Variants in RUNDC3B observed in about 807,000 individuals in gnomAD.
RUNDC3B encodes RUN domain-containing protein 3B.
A neutral mutation model predicts 58.4 loss-of-function variants in RUNDC3B; 33 were observed. The ratio of observed to expected loss-of-function variants is 0.56; its 90% CI spans 0.43 to 0.75. RUNDC3B has a LOEUF of 0.75. RUNDC3B is among the 30% of genes least tolerant of loss of function. RUNDC3B has a pLI of 0.00. For missense variants in RUNDC3B, 501 were observed against 535.7 expected (o/e 0.94, Z 0.64); for synonymous variants, 193 against 195.2 (o/e 0.99, Z 0.10).
rs572827929 is a variant in RUNDC3B at position 87,680,933 on chromosome 7, A to G, written c.239-19488A>G. On this transcript the variant is annotated intron_variant, in intron 2 of 10. Transcript: ENST00000394654. ...AAAAACAAAAACAATAATTGGTGAT[A>G]TGAAAGGATGATTGCTTGAAATCAT... Among the ~76,000 whole-genome samples, 5 of 150,940 alleles carry G rather than the reference A, an allele frequency of 3.3e-5. 1 individual carries two copies. Among genetic ancestry groups the G allele is most frequent in the South Asian group, 4.2e-4 (2 of 4,786 alleles).
intron 4 of RUNDC3B, among the ~76,000 whole-genome samples, chr7:87,735,158 A>G (rs1370534179): frequency 6.6e-6 from 1 of 152,172 alleles, no homozygotes; most frequent in Non-Finnish European, 1.5e-5. Flanking sequence ...ATCACTGCCC[A>G]CCTACATAGT....
intron 8 of RUNDC3B, among the ~76,000 whole-genome samples, chr7:87,799,658 G>A (rs558759175): frequency 2.7e-4 from 41 of 152,154 alleles, no homozygotes; most frequent in Middle Eastern, 3.4e-3. Context: ...GGAGGCTGAG[G>A]TGGGTGGATC....
chr7:87,719,245 A>G (rs1229498392), intron 4 of RUNDC3B, among the ~76,000 whole-genome samples: 1 of 151,952 alleles, frequency 6.6e-6, no homozygotes, highest in Non-Finnish European at 1.5e-5. Context: ...AATTAAAATT[A>G]TTAAAATGGG....
chr7:87,709,642 T>C, intron 3 of RUNDC3B: 1 of 377,636 alleles, frequency 2.6e-6, no homozygotes, highest in Non-Finnish European at 3.6e-6. Flanking sequence ...TCCCATAGTT[T>C]GGTGAATTCA....
At chr7:87,696,882 C>G (rs938783128) in intron 2 of RUNDC3B, among the ~76,000 whole-genome samples, 3 of 152,090 alleles carry the variant, frequency 2.0e-5, no homozygotes, top group African/African-American at 7.2e-5. Context: ...TGTGCCCTAC[C>G]TATAGCAGGA....
intron 2 of RUNDC3B, among the ~76,000 whole-genome samples, chr7:87,682,386 C>A (rs1827011486): frequency 6.6e-6 from 1 of 152,150 alleles, no homozygotes; most frequent in Non-Finnish European, 1.5e-5. Context: ...AGAAGATTTT[C>A]AATTTACTTT....
At position 87,741,527 on chromosome 7, in the gene RUNDC3B, G is replaced by A. The variant is rs758660429; in HGVS notation, c.577G>A (p.Gly193Ser). 3.3e-5 allele frequency: 52 copies of A among 1,585,640 alleles called. No individual in the cohort carries two copies. Among genetic ancestry groups the A allele is most frequent in the Non-Finnish European group, 4.5e-5 (52 of 1,159,702 alleles). ...SFCLKGEGLD[G>S]SFPAVIDYTP... ...CTGCCTAAAGGGAGAGGGGCTGGAT[G>A]GCAGTTTTCCTGCTGTAATAGACTA... Residue 193 changes from glycine (G) to serine (S), a missense_variant, in exon 6 of 11, where the codon GGC becomes AGC. By Grantham distance (56) the Gly-to-Ser change is moderately conservative. Transcript: ENST00000394654.
intron 3 of RUNDC3B, among the ~76,000 whole-genome samples, chr7:87,701,156 T>C (rs926168973): frequency 2.0e-5 from 3 of 152,212 alleles, no homozygotes; most frequent in Non-Finnish European, 2.9e-5. Flanking sequence ...GTACAATTCT[T>C]TGAATTGTGA....
intron 2 of RUNDC3B, among the ~76,000 whole-genome samples, chr7:87,652,786 T>C (rs954726940): frequency 6.6e-6 from 1 of 151,876 alleles, no homozygotes; most frequent in Admixed American, 6.6e-5. Context: ...GAAGTCATGA[T>C]TATTTTGATA....
At chr7:87,630,800 C>T (rs1469899240) in intron 1 of RUNDC3B, among the ~76,000 whole-genome samples, 4 of 149,846 alleles carry the variant, frequency 2.7e-5, no homozygotes, top group Non-Finnish European at 4.4e-5. Context: ...CCATTTTTGT[C>T]TTGGCTGGCT....
intron 1 of RUNDC3B, among the ~76,000 whole-genome samples, chr7:87,640,419 T>C (rs566496656): frequency 6.6e-6 from 1 of 152,164 alleles, no homozygotes; most frequent in Admixed American, 6.5e-5. Flanking sequence ...AGTGCGATCA[T>C]AGCTCACTGC....
chr7:87,752,934 C>T (rs575681592), intron 6 of RUNDC3B, among the ~76,000 whole-genome samples: 6 of 151,148 alleles, frequency 4.0e-5, no homozygotes, highest in Non-Finnish European at 7.4e-5. Context: ...AATGTGTTTG[C>T]TCTTGCTTTT....
rs529381896 is a variant in RUNDC3B, at chr7:87,733,786, C to T, written c.459-6005C>T. Among the ~76,000 whole-genome samples the T allele has an allele frequency of 1.3e-5, 2 of 152,268 alleles. 1 individual carries two copies. Among genetic ancestry groups the T allele is most frequent in the African/African-American group, 4.8e-5 (2 of 41,568 alleles). ...GAATCTAATGCCTGAGTGAAGGAGT[C>T]GGAGCTTAGGTGATAATGTTCACTG... On this transcript the variant is annotated intron_variant, in intron 4 of 10. Transcript: ENST00000394654.
intron 2 of RUNDC3B, among the ~76,000 whole-genome samples, chr7:87,688,179 C>T (rs1827659203): frequency 6.6e-6 from 1 of 152,040 alleles, no homozygotes. Context: ...TATTGTATCT[C>T]AGAAAATCAT....
At chr7:87,634,457 A>G (rs1184928114) in intron 1 of RUNDC3B, among the ~76,000 whole-genome samples, 1 of 135,686 alleles carries the variant, frequency 7.4e-6, no homozygotes, top group Non-Finnish European at 1.6e-5. Context: ...CCCCGTCTCT[A>G]CTAAAAATAC....
intron 6 of RUNDC3B, among the ~76,000 whole-genome samples, chr7:87,766,568 C>T (rs1416293867): frequency 6.6e-6 from 1 of 151,894 alleles, no homozygotes; most frequent in Non-Finnish European, 1.5e-5. Context: ...TGAAAAAAGA[C>T]CCCCAGTCTC....
chr7:87,824,168 C>G, intron 10 of RUNDC3B, among the ~76,000 whole-genome samples: 1 of 151,188 alleles, frequency 6.6e-6, no homozygotes, highest in African/African-American at 2.4e-5. Flanking sequence ...AGCAATTAGT[C>G]ATAAGACAGA....
intron 2 of RUNDC3B, among the ~76,000 whole-genome samples, chr7:87,666,780 C>A (rs1825294161): frequency 6.6e-6 from 1 of 152,020 alleles, no homozygotes; most frequent in Non-Finnish European, 1.5e-5. Context: ...TCAGCTTTGT[C>A]AAATATCATA....
At chr7:87,708,452 G>A (rs1342700200) in intron 3 of RUNDC3B, among the ~76,000 whole-genome samples, 1 of 151,940 alleles carries the variant, frequency 6.6e-6, no homozygotes, top group Non-Finnish European at 1.5e-5. Flanking sequence ...CGAAAAGGAT[G>A]GAAATATCTG....
Sources: allele counts gnomAD v4.1 joint callset (sites outside exome capture counted in the v4.1 genomes callset), GRCh38; gene constraint gnomAD v4.1.1; transcripts MANE v1.5; gene names NCBI Gene and HGNC (gene_info 2026-07-23, HGNC 2026-07-21).